Variants in ATP6V1B2 observed in about 807,000 individuals in gnomAD.
ATP6V1B2 encodes the protein V-type proton ATPase subunit B, brain isoform.
Under a neutral mutation model 66.7 loss-of-function variants are expected in ATP6V1B2, and 23 were observed. The ratio of observed to expected loss-of-function variants is 0.34; its 90% CI spans 0.25 to 0.49. ATP6V1B2 has a LOEUF of 0.49. ATP6V1B2 is among the 20% of genes least tolerant of loss of function. The pLI, the probability that ATP6V1B2 is intolerant of heterozygous loss-of-function variation, is 0.99. For synonymous variants in ATP6V1B2, 278 were observed against 236.7 expected (o/e 1.17, Z -1.60); for missense variants, 478 against 650.8 (o/e 0.73, Z 2.89).
intron 5 of ATP6V1B2, 94 bp downstream of exon 5, chr8:20,210,740 C>T: frequency 1.0e-6 from 1 of 999,712 alleles, no homozygotes; most frequent in Non-Finnish European, 1.6e-6. Context: ...TGTGATATCA[C>T]TTAAAGTAGA....
Position 20,220,369 on chromosome 8 carries a change from C to T in ATP6V1B2, c.1503C>T (p.Ser501=), listed in dbSNP as rs749505240. 3.5e-5 allele frequency: 56 copies of T among 1,588,160 alleles called. No homozygotes were observed. Among genetic ancestry groups the T allele is most frequent in the African/African-American group, 4.1e-5 (3 of 72,960 alleles). Residue 501 remains serine, a synonymous_variant, in exon 14 of 14, where the codon AGC becomes AGT. Transcript: ENST00000276390. ...MLKRIPQSTL[S]EFYPRDSAKH ...AGAGAATCCCTCAGAGCACCCTCAG[C>T]GAATTTTACCCTCGAGACTCTGCAA...
intron 3 of ATP6V1B2, among the ~76,000 whole-genome samples, chr8:20,210,006 T>G (rs1022471396): frequency 6.6e-6 from 1 of 151,158 alleles, no homozygotes; most frequent in African/African-American, 2.4e-5. Flanking sequence ...GCCAACTAAA[T>G]TCTCCTACAT....
Position 20,220,419 on chromosome 8 carries a change from G to C in ATP6V1B2, c.*17G>C. ...AAGCATTAGCTGCTGCTTCTGCATT[G>C]CTCCGCGCTCTTGTGAAATACTGGT... On this transcript the variant is annotated 3_prime_UTR_variant, in exon 14 of 14. Transcript: ENST00000276390. 1.9e-6 allele frequency: 3 copies of C among 1,541,634 alleles called. No individual in the cohort carries two copies. The highest frequency in any genetic ancestry group is 2.6e-6 in the Non-Finnish European group (3 of 1,151,174).
rs774605104 is a variant in ATP6V1B2, at chr8:20,197,440, G to A, written c.34G>A (p.Gly12Arg). 5.8e-6 allele frequency: 9 copies of A among 1,545,288 alleles called. No individual in the cohort carries two copies. The highest frequency in any genetic ancestry group is 1.2e-5 in the South Asian group (1 of 85,054). ...ALRAMRGIVN[G>R]AAPELPVPTG... ...GCGGGCGATGCGGGGGATTGTCAAC[G>A]GGGCCGCACCCGAGCTACCCGTGCC... The change falls in exon 1 of 14, where the codon GGG (glycine) becomes AGG (arginine). Residue 12 changes from glycine (G) to arginine (R), a missense_variant. Around this residue, in one of 2 missense-constraint regions of ATP6V1B2, gnomAD observed 152 missense variants for 105.2 expected, o/e 1.44. Coordinates refer to ENST00000276390, the MANE Select transcript of ATP6V1B2 (RefSeq NM_001693.4).
At chr8:20,216,687 T>C (rs1401093163) in intron 11 of ATP6V1B2, 192 bp downstream of exon 11, 1 of 496,582 alleles carries the variant, frequency 2.0e-6, no homozygotes, top group African/African-American at 2.0e-5. Context: ...TTAAGAATCT[T>C]CTTAACACTT....
chr8:20,213,886 T>C (rs545307304), intron 9 of ATP6V1B2: 3 of 152,312 alleles, frequency 2.0e-5, no homozygotes, highest in African/African-American at 4.8e-5. Flanking sequence ...ACCAATACTT[T>C]TGTAAAATGC....
At chr8:20,198,576 G>C (rs148167553) in intron 1 of ATP6V1B2, among the ~76,000 whole-genome samples, 1 of 152,150 alleles carries the variant, frequency 6.6e-6, no homozygotes, top group Non-Finnish European at 1.5e-5. Flanking sequence ...TTAAAAAACT[G>C]GGAAAAGCAC....
Position 20,220,439 on chromosome 8 carries a change from A to G in ATP6V1B2, c.*37A>G. 4 of 1,508,930 alleles carry G rather than the reference A, an allele frequency of 2.7e-6. No homozygotes were observed. Among genetic ancestry groups the G allele is most frequent in the Non-Finnish European group, 2.6e-6 (3 of 1,134,816 alleles). 93.5% of individuals were successfully genotyped at this position (1,508,930 alleles called of 1,614,324 possible). A position where few individuals can be genotyped will look rare whatever the true frequency, so the allele number is the denominator to read the frequency against. ...GCATTGCTCCGCGCTCTTGTGAAAT[A>G]CTGGTTCTGTTTTCTTTATTCCTTT... On this transcript the variant is annotated 3_prime_UTR_variant, in exon 14 of 14. Coordinates refer to ENST00000276390, the MANE Select transcript of ATP6V1B2 (RefSeq NM_001693.4).
At chr8:20,210,870 T>G (rs147993888) in intron 5 of ATP6V1B2, among the ~76,000 whole-genome samples, 6 of 152,290 alleles carry the variant, frequency 3.9e-5, no homozygotes, top group Non-Finnish European at 5.9e-5. Context: ...AGGATATATC[T>G]GAAATGTATA....
chr8:20,206,091 A>T (rs1432189987), intron 2 of ATP6V1B2, among the ~76,000 whole-genome samples: 1 of 152,258 alleles, frequency 6.6e-6, no homozygotes, highest in Non-Finnish European at 1.5e-5. Flanking sequence ...ATCTACCACA[A>T]CCTGCAGCAA....
chr8:20,201,565 C>CT (rs1323443530), intron 1 of ATP6V1B2, among the ~76,000 whole-genome samples: 1 of 152,086 alleles, frequency 6.6e-6, no homozygotes, highest in Non-Finnish European at 1.5e-5. Flanking sequence ...GATCTCCATA[C>CT]TTTTTAATTG....
At chr8:20,212,957 G>C in intron 9 of ATP6V1B2, 52 bp downstream of exon 9, 1 of 1,607,132 alleles carries the variant, frequency 6.2e-7, no homozygotes, top group Non-Finnish European at 8.5e-7. Context: ...TAATTTTCAG[G>C]GTTAACTTGT....
At chr8:20,201,815 G>A (rs1276702934) in intron 1 of ATP6V1B2, among the ~76,000 whole-genome samples, 1 of 152,144 alleles carries the variant, frequency 6.6e-6, no homozygotes, top group African/African-American at 2.4e-5. Flanking sequence ...AAGTTCTGGA[G>A]TCTGGGAAGG....
chr8:20,199,169 C>A (rs146330824), intron 1 of ATP6V1B2, among the ~76,000 whole-genome samples: 151 of 152,284 alleles, frequency 9.9e-4, no homozygotes, highest in African/African-American at 3.4e-3. Flanking sequence ...AATATGATTT[C>A]TCCATGGTTT....
Position 20,209,542 on chromosome 8 carries a change from G to T in ATP6V1B2, c.291+11G>T. 1.2e-6 allele frequency: 2 copies of T among 1,609,788 alleles called. No individual in the cohort carries two copies. Among genetic ancestry groups the T allele is most frequent in the Non-Finnish European group, 1.7e-6 (2 of 1,176,222 alleles). ...AAGGCAGTAGTTCAGGTAAGTTTCA[G>T]CTGGCCAGCTGAACTGTTTCCTAGT... On this transcript the variant is annotated intron_variant, in intron 3 of 13. Coordinates refer to ENST00000276390, the MANE Select transcript of ATP6V1B2 (RefSeq NM_001693.4).
intron 1 of ATP6V1B2, among the ~76,000 whole-genome samples, chr8:20,199,299 C>G (rs538063682): frequency 6.6e-6 from 1 of 152,188 alleles, no homozygotes; most frequent in African/African-American, 2.4e-5. Context: ...GTCCCCACTG[C>G]CTAGCACAGT....
intron 5 of ATP6V1B2, 49 bp downstream of exon 5, chr8:20,210,695 C>G (rs1269606384): frequency 2.6e-6 from 4 of 1,525,846 alleles, no homozygotes; most frequent in East Asian, 2.3e-5. Context: ...TAACCTCACT[C>G]TGTCTTGTAC....
At chr8:20,211,965 G>C (rs2072799899) in intron 7 of ATP6V1B2, 137 bp from the exon 8 acceptor site, 6 of 883,032 alleles carry the variant, frequency 6.8e-6, no homozygotes, top group East Asian at 2.7e-5. Context: ...TCTTTGTTCT[G>C]TTGGTTTTTG....
At chr8:20,216,136 A>G in intron 10 of ATP6V1B2, 2 of 242,260 alleles carry the variant, frequency 8.3e-6, no homozygotes, top group South Asian at 1.7e-4. Context: ...TGGCTGTTTA[A>G]GTTCAAGTTA....
Sources: gnomAD v4.1 joint callset for allele counts (sites outside exome capture counted in the v4.1 genomes callset) on GRCh38, gnomAD v4.1.1 for gene constraint, gnomAD v4.1.1 regional missense constraint, MANE v1.5 for transcripts, NCBI Gene and HGNC (gene_info 2026-07-23, HGNC 2026-07-21) for gene names.